Variants in EDC3 observed in about 807,000 individuals in gnomAD.
The protein encoded by EDC3 is enhancer of mRNA decapping 3.
Under a neutral mutation model 41.8 loss-of-function variants are expected in EDC3, and 20 were observed. That is an observed-to-expected ratio of 0.48 (90% CI 0.34 to 0.70). The LOEUF (loss-of-function observed/expected upper bound fraction) is 0.70. EDC3 is among the 30% of genes least tolerant of loss of function. EDC3 has a pLI of 0.01. For missense variants in EDC3, 444 were observed against 636.8 expected, an observed-to-expected ratio of 0.70 and a Z score of 3.26; for synonymous variants, 206 against 243.2, an observed-to-expected ratio of 0.85 and a Z score of 1.42.
intron 3 of EDC3, among the ~76,000 whole-genome samples, chr15:74,659,036 T>C (rs1304438061): frequency 1.3e-5 from 2 of 152,188 alleles, no homozygotes; most frequent in African/African-American, 4.8e-5. Flanking sequence ...GATGAACCAC[T>C]ATGAAGCTAG....
chr15:74,682,404 G>A (rs1022863793), intron 1 of EDC3, among the ~76,000 whole-genome samples: 14 of 151,402 alleles, frequency 9.2e-5, no homozygotes, highest in Admixed American at 7.9e-4. Flanking sequence ...GGATCACAAC[G>A]TCAGGAGATC....
At chr15:74,690,837 C>G (rs1331701811) in intron 1 of EDC3, among the ~76,000 whole-genome samples, 2 of 151,990 alleles carry the variant, frequency 1.3e-5, no homozygotes, top group Non-Finnish European at 2.9e-5. Context: ...AAATCCAGTA[C>G]TAAACCCATA....
chr15:74,675,324 AAAT>A (rs1214058062), intron 1 of EDC3, among the ~76,000 whole-genome samples, 182 bp from the exon 2 acceptor site: 3 of 152,050 alleles, frequency 2.0e-5, no homozygotes, highest in Admixed American at 1.3e-4. Context: ...GAATATTAAA[AAAT>A]AATATTATTT....
At chr15:74,638,597 G>A (rs901647888) in intron 5 of EDC3, 13 of 152,094 alleles carry the variant, frequency 8.5e-5, no homozygotes, top group African/African-American at 3.1e-4. Flanking sequence ...GCCTCCCGAA[G>A]TATAGGGATT....
intron 1 of EDC3, among the ~76,000 whole-genome samples, chr15:74,688,606 T>C (rs573695511): frequency 6.6e-6 from 1 of 152,194 alleles, no homozygotes; most frequent in Non-Finnish European, 1.5e-5. Context: ...CTTCTTTTGC[T>C]CAAAAGTACA....
At chr15:74,649,576 G>A (rs2062456963) in intron 4 of EDC3, among the ~76,000 whole-genome samples, 1 of 152,136 alleles carries the variant, frequency 6.6e-6, no homozygotes, top group African/African-American at 2.4e-5. Flanking sequence ...TACTGAGGTG[G>A]CCTTTGCAAA....
chr15:74,633,344 T>C (rs2062235584), intron 6 of EDC3, among the ~76,000 whole-genome samples: 1 of 152,220 alleles, frequency 6.6e-6, no homozygotes, highest in Non-Finnish European at 1.5e-5. Flanking sequence ...AAGGTGGCCA[T>C]CACAGGGAAA....
chr15:74,630,992 AAG>A lies in EDC3; in HGVS notation c.*1618_*1619del, dbSNP rs1441235446. 2 of 152,226 alleles carry A rather than the reference AAG, an allele frequency of 1.3e-5. No individual in the cohort carries two copies. The highest frequency in any genetic ancestry group is 2.9e-5 in the Non-Finnish European group (2 of 68,046). The allele number at this position is 152,226 out of a possible 1,614,324, so 9.4% of individuals were successfully genotyped here. ...CTAGACTGCTCCTCAGATTTTGGCC[AAG>A]AGAGGGCCCCGGCTTGGGAGCTGCT... On this transcript the variant is annotated 3_prime_UTR_variant, in exon 7 of 7. Coordinates refer to ENST00000315127, the MANE Select transcript of EDC3 (RefSeq NM_025083.5).
chr15:74,652,734 G>A lies in EDC3; in HGVS notation c.820+2999C>T, dbSNP rs945007644. On this transcript the variant is annotated intron_variant, in intron 4 of 6. Coordinates refer to ENST00000315127, the MANE Select transcript of EDC3 (RefSeq NM_025083.5). ...GCTGGGACTACAGGCACATGCCACCGTGCCCAGCTAATGTTTTCTATTGTT... is the reference window on the plus strand; with the variant it reads ...GCTGGGACTACAGGCACATGCCACCATGCCCAGCTAATGTTTTCTATTGTT... Among the ~76,000 whole-genome samples the A allele has an allele frequency of 5.3e-5, 8 of 151,848 alleles. No individual in the cohort carries two copies. The East Asian group carries it at 5.9e-4, about 11-fold the overall frequency.
chr15:74,659,354 C>T (rs951376839), intron 3 of EDC3, among the ~76,000 whole-genome samples: 6 of 151,336 alleles, frequency 4.0e-5, no homozygotes, highest in African/African-American at 7.3e-5. Context: ...CCCAGCTACA[C>T]GGGAGGCTGG....
chr15:74,651,060 A>G (rs928839849), intron 4 of EDC3, among the ~76,000 whole-genome samples: 1 of 152,212 alleles, frequency 6.6e-6, no homozygotes, highest in African/African-American at 2.4e-5. Context: ...TTGAATAAAG[A>G]TTCTTCTCTG....
intron 4 of EDC3, among the ~76,000 whole-genome samples, chr15:74,649,526 T>C (rs1373260957): frequency 6.6e-6 from 1 of 152,202 alleles, no homozygotes; most frequent in Non-Finnish European, 1.5e-5. Context: ...GTCTGGCACA[T>C]AGTAGGTATT....
intron 1 of EDC3, among the ~76,000 whole-genome samples, chr15:74,685,442 G>GTC (rs1439871615): frequency 6.6e-6 from 1 of 152,152 alleles, no homozygotes; most frequent in African/African-American, 2.4e-5. Flanking sequence ...GATAGTGTGT[G>GTC]TGTCACCCCA....
chr15:74,694,550 C>T (rs1385248936), intron 1 of EDC3, among the ~76,000 whole-genome samples: 1 of 152,262 alleles, frequency 6.6e-6, no homozygotes, highest in Admixed American at 6.5e-5. Context: ...AGGTGATCCA[C>T]CCGCCTCAGC....
At chr15:74,646,867 G>A (rs1249470962) in intron 4 of EDC3, among the ~76,000 whole-genome samples, 1 of 152,072 alleles carries the variant, frequency 6.6e-6, no homozygotes, top group African/African-American at 2.4e-5. Context: ...AATTTCAAAT[G>A]AAATTTTGAA....
chr15:74,671,359 G>T lies in EDC3; in HGVS notation c.484+96C>A. 1 of 1,323,972 alleles carries T rather than the reference G, an allele frequency of 7.6e-7. No individual in the cohort carries two copies. Among genetic ancestry groups the T allele is most frequent in the Non-Finnish European group, 1.0e-6 (1 of 956,256 alleles). 82.0% of individuals were successfully genotyped at this position (1,323,972 alleles called of 1,614,324 possible). A position where few individuals can be genotyped will look rare whatever the true frequency, so the allele number is the denominator to read the frequency against. On this transcript the variant is annotated intron_variant, in intron 3 of 6. Coordinates refer to ENST00000315127, the MANE Select transcript of EDC3 (RefSeq NM_025083.5). The surrounding 1 kb of genome is among the most constrained non-coding windows in gnomAD (Gnocchi z 4.6). ...ACGCTCAGCCAGCATCCATTTTATTGGAATAACAAAGGATTTGTTTAAAGA... is the reference window on the plus strand; with the variant it reads ...ACGCTCAGCCAGCATCCATTTTATTTGAATAACAAAGGATTTGTTTAAAGA...
chr15:74,638,114 C>T (rs2062296831), intron 5 of EDC3: 1 of 152,142 alleles, frequency 6.6e-6, no homozygotes, highest in Non-Finnish European at 1.5e-5. Context: ...TTCCTTGGTT[C>T]TTACACGCTA....
Position 74,675,153 on chromosome 15 carries a change from A to C in EDC3, c.-18-11T>G. 1 of 1,610,400 alleles carries C rather than the reference A, an allele frequency of 6.2e-7. No homozygotes were observed. The highest frequency in any genetic ancestry group is 8.5e-7 in the Non-Finnish European group (1 of 1,179,580). On this transcript the variant is annotated splice_polypyrimidine_tract_variant and intron_variant, in intron 1 of 6. Coordinates refer to ENST00000315127, the MANE Select transcript of EDC3 (RefSeq NM_025083.5). ...TCACACGTGAGACCACTGTGAAGAG[A>C]AGGAACTATTCAGTGTGCCTTGGTG... is the stretch of plus-strand genomic sequence containing the variant.
At chr15:74,639,620 T>G (rs2062321977) in intron 5 of EDC3, 1 of 150,258 alleles carries the variant, frequency 6.7e-6, no homozygotes, top group African/African-American at 2.5e-5. Context: ...GAGGCTGAGG[T>G]GGGAGAATTG....
Sources: gnomAD v4.1 joint callset for allele counts (sites outside exome capture counted in the v4.1 genomes callset) on GRCh38, gnomAD v4.1.1 for gene constraint, Gnocchi (gnomAD v3.1) non-coding constraint, MANE v1.5 for transcripts, NCBI Gene and HGNC (gene_info 2026-07-23, HGNC 2026-07-21) for gene names.